SCAF4: variants seen among roughly 807,000 people sequenced by gnomAD.
The protein encoded by SCAF4 is SR-related CTD associated factor 4, also known as SR-related and CTD-associated factor 4.
Under a neutral mutation model 129.8 loss-of-function variants are expected in SCAF4, and 25 were observed. That is an observed-to-expected ratio of 0.19 (90% CI 0.14 to 0.27). The LOEUF (loss-of-function observed/expected upper bound fraction) is 0.27, where lower values mean the gene tolerates loss of function less well. Ranked by LOEUF, SCAF4 falls within the 10% of genes least tolerant of loss-of-function variation. The probability of loss-of-function intolerance (pLI) is 1.00; values close to 1 mark genes in which losing one functional copy is unlikely to be tolerated. For synonymous variants in SCAF4, 551 were observed against 497.7 expected, an observed-to-expected ratio of 1.11 and a Z score of -1.43; for missense variants, 1,246 against 1,457.1, an observed-to-expected ratio of 0.86 and a Z score of 2.36.
intron 7 of SCAF4, 71 bp downstream of exon 7, chr21:31,700,924 A>G (rs747648395): frequency 2.7e-6 from 4 of 1,458,556 alleles, no homozygotes; most frequent in East Asian, 2.3e-5. Flanking sequence ...GAAGGGATAC[A>G]GAAGTGATAA....
intron 1 of SCAF4, 44 bp from the exon 2 acceptor site, chr21:31,706,401 G>T: frequency 7.5e-7 from 1 of 1,337,704 alleles, no homozygotes; most frequent in Non-Finnish European, 1.1e-6. Flanking sequence ...TTAACTATTT[G>T]GCTAGTAAAT....
chr21:31,681,667 T>C (rs542476318), intron 19 of SCAF4, among the ~76,000 whole-genome samples: 1 of 152,340 alleles, frequency 6.6e-6, no homozygotes, highest in South Asian at 2.1e-4. Context: ...GTAATAATTA[T>C]TGCGCATCAA....
At position 31,685,733 on chromosome 21, in the gene SCAF4, C is replaced by T; in HGVS notation, c.2044G>A (p.Val682Ile). The T allele has an allele frequency of 6.4e-7, 1 of 1,573,742 alleles. No homozygotes were observed. The change falls in exon 17 of 20, where the codon GTC becomes ATC. Residue 682 changes from valine to isoleucine, a missense_variant and splice_region_variant. Transcript: ENST00000286835. Reference protein sequence around the residue: ...PAPITVPPPQVPPHQPGPPVV... With the variant: ...PAPITVPPPQIPPHQPGPPVV... ...GGTGGACCCGGTTGATGTGGTGGGA[C>T]CTAGAAAGAAAGATAAAAGAATAAA...
At position 31,671,645 on chromosome 21, in the gene SCAF4, T is replaced by A. The variant is rs142270458; in HGVS notation, c.3198A>T (p.Arg1066Ser). 3.1e-6 allele frequency: 5 copies of A among 1,614,010 alleles called. No individual in the cohort carries two copies. The highest frequency in any genetic ancestry group is 3.4e-6 in the Non-Finnish European group (4 of 1,180,008). The change falls in exon 20 of 20, where the codon AGA becomes AGT. Residue 1066 changes from arginine (R) to serine (S), a missense_variant. This residue lies in a region of SCAF4 where 339 missense variants were observed against 325.0 expected (regional missense o/e 1.04). Coordinates refer to ENST00000286835, the MANE Select transcript of SCAF4 (RefSeq NM_020706.2). ...HRDRERDSRD[R>S]ESRREKEEAR... ...CTTCTTCCTTCTCTCTACGAGACTC[T>A]CTATCTCTAGAATCTCTCTCTCTGT...
chr21:31,730,113 A>C (rs1473729414), intron 1 of SCAF4, among the ~76,000 whole-genome samples: 2 of 152,222 alleles, frequency 1.3e-5, no homozygotes, highest in Middle Eastern at 3.2e-3. Context: ...ATTCTCATTC[A>C]ACAATTATTT....
chr21:31,717,480 C>T (rs1165302856), intron 1 of SCAF4, among the ~76,000 whole-genome samples: 1 of 152,002 alleles, frequency 6.6e-6, no homozygotes, highest in Non-Finnish European at 1.5e-5. Context: ...CAATTAAATT[C>T]ATGGATTTAA....
chr21:31,725,093 G>C (rs1237419321), intron 1 of SCAF4, among the ~76,000 whole-genome samples: 1 of 152,010 alleles, frequency 6.6e-6, no homozygotes, highest in African/African-American at 2.4e-5. Flanking sequence ...AAACTCCTGG[G>C]ATAACAGCAC....
chr21:31,695,847 C>A (rs978413794), intron 9 of SCAF4, among the ~76,000 whole-genome samples: 2 of 152,168 alleles, frequency 1.3e-5, no homozygotes, highest in Admixed American at 1.3e-4. Flanking sequence ...TATAACTAAA[C>A]AGGTCGGTTT....
chr21:31,679,492 T>C (rs1043365989), intron 19 of SCAF4, among the ~76,000 whole-genome samples: 6 of 152,194 alleles, frequency 3.9e-5, no homozygotes, highest in African/African-American at 1.2e-4. Flanking sequence ...GTTATTCTTA[T>C]AGAAGGCACT....
chr21:31,701,190 C>A lies in SCAF4; in HGVS notation c.601-19G>T. The A allele has an allele frequency of 1.3e-6, 2 of 1,525,658 alleles. No homozygotes were observed. Among genetic ancestry groups the A allele is most frequent in the Non-Finnish European group, 8.8e-7 (1 of 1,137,704 alleles). 94.5% of individuals were successfully genotyped at this position (1,525,658 alleles called of 1,614,324 possible). On this transcript the variant is annotated intron_variant, in intron 6 of 19. Transcript: ENST00000286835. ...GCTGAAGCTTAAAGAATGGGAAAAC[C>A]AATAAATCACAGAACAAAGTATAAT...
intron 1 of SCAF4, among the ~76,000 whole-genome samples, chr21:31,710,301 C>T (rs534720651): frequency 1.1e-4 from 16 of 152,124 alleles, no homozygotes; most frequent in African/African-American, 3.6e-4. Flanking sequence ...GTAATCCCAG[C>T]ACTTTGGGAG....
Position 31,701,868 on chromosome 21 carries a change from T to A in SCAF4, c.508A>T (p.Thr170Ser), listed in dbSNP as rs2050540898. The change falls in exon 6 of 20, where the codon ACT (threonine) becomes TCT (serine). Residue 170 changes from threonine (T) to serine (S), a missense_variant. Around this residue, in one of 6 missense-constraint regions of SCAF4, gnomAD observed 143 missense variants for 161.0 expected, o/e 0.89. Coordinates refer to ENST00000286835, the MANE Select transcript of SCAF4 (RefSeq NM_020706.2). ...GGTACAGCTGGGACGGAGTTTGGAG[T>A]GGCTTGTGTGGGAGGTTCAGAAGAA... Reference protein sequence around the residue: ...KVSSEPPTQATPNSVPAVPQL... With the variant: ...KVSSEPPTQASPNSVPAVPQL... 2 of 1,613,808 alleles carry A rather than the reference T, an allele frequency of 1.2e-6. No individual in the cohort carries two copies. Among genetic ancestry groups the A allele is most frequent in the East Asian group, 4.5e-5 (2 of 44,860 alleles).
In SCAF4 at chr21:31,709,350, C is replaced by CAAAA. The variant is rs376581889; in HGVS notation, c.31-2997_31-2994dup. Among the ~76,000 whole-genome samples, 225 of 117,762 alleles carry CAAAA rather than the reference C, an allele frequency of 1.9e-3. 1 individual carries two copies. Among genetic ancestry groups the CAAAA allele is most frequent in the East Asian group, 9.0e-3 (40 of 4,424 alleles). 77.3% of individuals were successfully genotyped at this position (117,762 alleles called of 152,430 possible). The stretch of plus-strand genomic sequence containing the variant: ...AAATACTTACTGGTACTGAAACTGT[C>CAAAA]AAAAAAAAAAAAAAGAAAGAAAGAA... On this transcript the variant is annotated intron_variant, in intron 1 of 19. Coordinates refer to ENST00000286835, the MANE Select transcript of SCAF4 (RefSeq NM_020706.2).
At chr21:31,712,810 G>C in intron 1 of SCAF4, 4 of 781,864 alleles carry the variant, frequency 5.1e-6, no homozygotes, top group Non-Finnish European at 6.2e-6. Flanking sequence ...GATTACAGGC[G>C]TGAGCCACTG....
chr21:31,730,517 A>G (rs1309664612), intron 1 of SCAF4, among the ~76,000 whole-genome samples: 1 of 152,238 alleles, frequency 6.6e-6, no homozygotes, highest in African/African-American at 2.4e-5. Context: ...TTATTGCACC[A>G]TAATTGTTAC....
chr21:31,694,926 G>C lies in SCAF4; in HGVS notation c.1123C>G (p.Pro375Ala). The change falls in exon 10 of 20, where the codon CCA becomes GCA. Residue 375 changes from proline to alanine, a missense_variant. Pro to Ala is a conservative substitution (Grantham distance 27, BLOSUM62 -1). Around this residue, in one of 6 missense-constraint regions of SCAF4, gnomAD observed 236 missense variants for 210.0 expected, o/e 1.12. Coordinates refer to ENST00000286835, the MANE Select transcript of SCAF4 (RefSeq NM_020706.2). ...MPGFGLLPTP[P>A]FPPMAQPVIP... ...ACAGGCTGAGCCATGGGAGGAAATGGAGGTGTAGGAAGAAGTCCAAATCCT... is the reference window on the plus strand; with the variant it reads ...ACAGGCTGAGCCATGGGAGGAAATGCAGGTGTAGGAAGAAGTCCAAATCCT... The C allele has an allele frequency of 1.2e-6, 2 of 1,614,126 alleles. No homozygotes were observed. The highest frequency in any genetic ancestry group is 1.7e-6 in the Non-Finnish European group (2 of 1,179,944).
chr21:31,726,487 C>T (rs916195283), intron 1 of SCAF4, among the ~76,000 whole-genome samples: 11 of 152,010 alleles, frequency 7.2e-5, no homozygotes, highest in Admixed American at 3.9e-4. Flanking sequence ...CAGAGCCAAA[C>T]CCCGTGTCTA....
At chr21:31,726,294 C>G (rs1251133260) in intron 1 of SCAF4, among the ~76,000 whole-genome samples, 1 of 152,164 alleles carries the variant, frequency 6.6e-6, no homozygotes, top group Non-Finnish European at 1.5e-5. Context: ...ATCTGCCCGC[C>G]TCGGCCTCCC....
At chr21:31,684,916 C>CA (rs2050078247) in intron 19 of SCAF4, 133 bp downstream of exon 19, 1 of 575,084 alleles carries the variant, frequency 1.7e-6, no homozygotes, top group Non-Finnish European at 3.0e-6. Flanking sequence ...ACAAAACAAC[C>CA]AAAAAAGCCA....
Sources: gnomAD v4.1 joint callset for allele counts (sites outside exome capture counted in the v4.1 genomes callset) on GRCh38, gnomAD v4.1.1 for gene constraint, gnomAD v4.1.1 regional missense constraint, MANE v1.5 for transcripts, NCBI Gene and HGNC (gene_info 2026-07-23, HGNC 2026-07-21) for gene names.